Variants in NGF observed in about 807,000 individuals in gnomAD.
NGF encodes beta-nerve growth factor.
A neutral mutation model predicts 12.8 loss-of-function variants in NGF; 4 were observed. The observed-to-expected ratio is 0.31, with a 90% CI of 0.15 to 0.72. NGF has a LOEUF of 0.72. Among genes scored for constraint, NGF ranks in the 30% least tolerant of loss-of-function variants. The pLI, the probability that NGF is intolerant of heterozygous loss-of-function variation, is 0.69. For missense variants in NGF, 283 were observed against 330.8 expected (o/e 0.86, Z 1.12); for synonymous variants, 140 against 130.0 (o/e 1.08, Z -0.52).
chr1:115,333,663 TTC>T (rs1241151606), intron 1 of NGF, among the ~76,000 whole-genome samples: 1 of 25,174 alleles, frequency 4.0e-5, no homozygotes, highest in East Asian at 1.7e-3. Flanking sequence ...TTCTCTTTCT[TTC>T]TTTCTTTCTT....
At chr1:115,334,508 GGGACTACA>G (rs1205593846) in intron 1 of NGF, among the ~76,000 whole-genome samples, 4 of 152,138 alleles carry the variant, frequency 2.6e-5, no homozygotes. Flanking sequence ...GACACTTGGT[GGGACTACA>G]GCACTGAGGT....
chr1:115,322,166 G>A (rs1198944978), intron 1 of NGF, among the ~76,000 whole-genome samples: 2 of 152,176 alleles, frequency 1.3e-5, no homozygotes, highest in Non-Finnish European at 2.9e-5. Flanking sequence ...CCTTGTCTCT[G>A]GAATTTCTTT....
At chr1:115,324,378 A>G (rs1226516439) in intron 1 of NGF, among the ~76,000 whole-genome samples, 1 of 152,132 alleles carries the variant, frequency 6.6e-6, no homozygotes, top group Non-Finnish European at 1.5e-5. Context: ...CTTCCAGTTC[A>G]TAGCTTCCTC....
chr1:115,288,278 G>A lies in NGF; in HGVS notation c.-12-1471C>T, dbSNP rs1396837042. Among the ~76,000 whole-genome samples, 10 of 152,130 alleles carry A rather than the reference G, an allele frequency of 6.6e-5. No homozygotes were observed. In the East Asian group the frequency reaches 1.9e-3, roughly 29 times the overall value. The stretch of plus-strand genomic sequence containing the variant: ...GACAAGAACTCTGCATTGGGTCTGG[G>A]GGTTAGAAAATCGTGTTTGGATTCC... On this transcript the variant is annotated intron_variant, in intron 2 of 2. Transcript: ENST00000369512.
chr1:115,315,337 T>C (rs4406631), intron 1 of NGF, among the ~76,000 whole-genome samples: 103,110 of 152,034 alleles, frequency 0.68, 36,364 homozygotes, highest in Non-Finnish European at 0.8. Context: ...ATTATCCAGG[T>C]GGGAGGTGAT....
intron 1 of NGF, among the ~76,000 whole-genome samples, chr1:115,313,945 C>A (rs954665961): frequency 6.6e-6 from 1 of 152,110 alleles, no homozygotes; most frequent in Admixed American, 6.5e-5. Flanking sequence ...TCAGGCTGCA[C>A]CTGAACTCCT....
At position 115,337,972 on chromosome 1, in the gene NGF, A is replaced by G. The variant is rs3811016; in HGVS notation, c.-137+232T>C. Among the ~76,000 whole-genome samples, 125 of 152,180 alleles carry G rather than the reference A, an allele frequency of 8.2e-4. No individual in the cohort carries two copies. In the East Asian group the frequency reaches 0.021, roughly 26 times the overall value. On this transcript the variant is annotated intron_variant, in intron 1 of 2. Transcript: ENST00000369512. ...CCATCCTGGGACTAGGGACTCCACG[A>G]CCAGAACTAACGCTGTTCCCTCGGT...
At chr1:115,292,185 A>T (rs895103290) in intron 2 of NGF, among the ~76,000 whole-genome samples, 1 of 152,046 alleles carries the variant, frequency 6.6e-6, no homozygotes, top group South Asian at 2.1e-4. Context: ...GTGGCTCCTC[A>T]TTTCTCCAGC....
chr1:115,321,955 T>C (rs1325867895), intron 1 of NGF, among the ~76,000 whole-genome samples: 1 of 152,230 alleles, frequency 6.6e-6, no homozygotes, highest in Non-Finnish European at 1.5e-5. Context: ...CAGAATTAGC[T>C]TGAGATAGAC....
chr1:115,320,544 C>A (rs559634790), intron 1 of NGF, among the ~76,000 whole-genome samples: 8 of 152,232 alleles, frequency 5.3e-5, no homozygotes, highest in African/African-American at 1.9e-4. Flanking sequence ...GACTAAGGGG[C>A]AGGTAGCCTA....
At chr1:115,312,880 C>T (rs1188035902) in intron 1 of NGF, among the ~76,000 whole-genome samples, 1 of 152,174 alleles carries the variant, frequency 6.6e-6, no homozygotes, top group Non-Finnish European at 1.5e-5. Flanking sequence ...TTACTCAGAG[C>T]TCTCCACATG....
intron 1 of NGF, among the ~76,000 whole-genome samples, chr1:115,319,613 A>G (rs536208935): frequency 1.5e-3 from 231 of 152,308 alleles, no homozygotes; most frequent in African/African-American, 5.4e-3. Flanking sequence ...TGGTAGCATC[A>G]GTTGTTTTTA....
At chr1:115,295,483 C>G (rs2101027829) in intron 1 of NGF, among the ~76,000 whole-genome samples, 1 of 152,082 alleles carries the variant, frequency 6.6e-6, no homozygotes, top group South Asian at 2.1e-4. Flanking sequence ...ATGGCGTGTC[C>G]CCAGGGTAAG....
chr1:115,299,475 T>C (rs767080563), intron 1 of NGF, among the ~76,000 whole-genome samples: 2 of 152,190 alleles, frequency 1.3e-5, no homozygotes, highest in Non-Finnish European at 2.9e-5. Context: ...CATGTTCACC[T>C]GACTGGAGGA....
At chr1:115,319,387 G>GCA (rs1282796362) in intron 1 of NGF, among the ~76,000 whole-genome samples, 2 of 151,932 alleles carry the variant, frequency 1.3e-5, no homozygotes, top group African/African-American at 4.8e-5. Flanking sequence ...ACACACATAA[G>GCA]CACACACACA....
In NGF at chr1:115,286,890, C is replaced by T. The variant is rs924032474; in HGVS notation, c.-12-83G>A. On this transcript the variant is annotated intron_variant, in intron 2 of 2. Coordinates refer to ENST00000369512, the MANE Select transcript of NGF (RefSeq NM_002506.3). The stretch of plus-strand genomic sequence containing the variant: ...AGTTTCTGGGTCCCTCAGAGTTGAC[C>T]TCCCAAGGGGATCACGAAGAGGTTT... 4.6e-6 allele frequency: 7 copies of T among 1,527,578 alleles called. No individual in the cohort carries two copies. In the African/African-American group the frequency reaches 9.6e-5, roughly 21 times the overall value. The allele number at this position is 1,527,578 out of a possible 1,614,324, so 94.6% of individuals were successfully genotyped here. A position where few individuals can be genotyped will look rare whatever the true frequency, so the allele number is the denominator to read the frequency against.
intron 1 of NGF, among the ~76,000 whole-genome samples, chr1:115,301,796 G>C (rs1326429988): frequency 6.6e-6 from 1 of 152,216 alleles, no homozygotes; most frequent in African/African-American, 2.4e-5. Flanking sequence ...GGAGGAAGCT[G>C]CTCCAGCTAT....
intron 1 of NGF, among the ~76,000 whole-genome samples, chr1:115,301,369 C>T (rs1471083746): frequency 6.6e-6 from 1 of 152,194 alleles, no homozygotes; most frequent in African/African-American, 2.4e-5. Context: ...AAACGTTATA[C>T]CCTCCATATT....
chr1:115,309,352 A>C (rs1288473713), intron 1 of NGF, among the ~76,000 whole-genome samples: 2 of 152,218 alleles, frequency 1.3e-5, no homozygotes, highest in Non-Finnish European at 2.9e-5. Flanking sequence ...GAATTAGGAG[A>C]TTATGGGTGA....
Sources: gnomAD v4.1 joint callset for allele counts (sites outside exome capture counted in the v4.1 genomes callset) on GRCh38, gnomAD v4.1.1 for gene constraint, MANE v1.5 for transcripts, NCBI Gene and HGNC (gene_info 2026-07-23, HGNC 2026-07-21) for gene names.